The following HMG20A variants were observed in gnomAD, a reference collection of about 807,000 sequenced individuals.
HMG20A encodes the protein high mobility group protein 20A.
In HMG20A, 17 loss-of-function variants were observed where a neutral mutation model predicts 43.9. The observed-to-expected ratio is 0.39, with a 90% CI of 0.27 to 0.58. The LOEUF (loss-of-function observed/expected upper bound fraction) is 0.58. HMG20A is among the 20% of genes least tolerant of loss of function. HMG20A has a pLI of 0.59. For missense variants in HMG20A, 341 were observed against 438.2 expected (o/e 0.78, Z 1.98); for synonymous variants, 132 against 147.5 (o/e 0.89, Z 0.76).
At chr15:77,421,691 AC>A (rs1381279397) in intron 1 of HMG20A, among the ~76,000 whole-genome samples, 6 of 152,240 alleles carry the variant, frequency 3.9e-5, no homozygotes, top group Non-Finnish European at 7.3e-5. Flanking sequence ...AAAGTATCAC[AC>A]TGAAGTACTC....
At chr15:77,457,429 G>T (rs1033109376) in intron 1 of HMG20A, among the ~76,000 whole-genome samples, 2 of 152,176 alleles carry the variant, frequency 1.3e-5, no homozygotes, top group Non-Finnish European at 2.9e-5. Flanking sequence ...GCAGTTCTGT[G>T]TAAGTGGCTG....
chr15:77,514,521 A>T, the HMG20A span, among the ~76,000 whole-genome samples: 2 of 152,246 alleles, frequency 1.3e-5, no homozygotes. Flanking sequence ...ACTCTATAAA[A>T]GTTACACCTC....
the HMG20A span, among the ~76,000 whole-genome samples, chr15:77,498,633 G>A: frequency 6.6e-6 from 1 of 152,118 alleles, no homozygotes; most frequent in Non-Finnish European, 1.5e-5. Context: ...GTTAGCACTG[G>A]TGCAGCCTGA....
chr15:77,443,167 G>A (rs540203654), intron 1 of HMG20A, among the ~76,000 whole-genome samples: 7 of 150,124 alleles, frequency 4.7e-5, no homozygotes, highest in African/African-American at 1.7e-4. Context: ...AGAGTAGCTG[G>A]GATTATAGGC....
chr15:77,455,933 G>C (rs1228926657), intron 1 of HMG20A, among the ~76,000 whole-genome samples: 2 of 152,044 alleles, frequency 1.3e-5, no homozygotes, highest in Non-Finnish European at 2.9e-5. Context: ...GAGGCCTTTG[G>C]GTTTCACTGC....
chr15:77,513,540 G>A, the HMG20A span, among the ~76,000 whole-genome samples: 99 of 152,222 alleles, frequency 6.5e-4, 3 homozygotes, highest in South Asian at 0.017. Context: ...TAGTTCTGGC[G>A]GCTGGAAGTC....
chr15:77,469,920 G>A (rs534231421), intron 4 of HMG20A, among the ~76,000 whole-genome samples: 6 of 152,154 alleles, frequency 3.9e-5, no homozygotes, highest in South Asian at 2.1e-4. Flanking sequence ...CACCCACCTC[G>A]GTCTCCCAAA....
Position 77,479,172 on chromosome 15 carries a change from A to C in HMG20A, c.908-7A>C. On this transcript the variant is annotated splice_region_variant and splice_polypyrimidine_tract_variant and intron_variant, in intron 8 of 9. Coordinates refer to ENST00000336216, the MANE Select transcript of HMG20A (RefSeq NM_001304504.2). ...GATTTTCTTACTTTCTTCTTATCTC[A>C]CTTCAGGAAGTGGAGAGACACCTAC... 6.2e-7 allele frequency: 1 copy of C among 1,612,840 alleles called. No homozygotes were observed. Among genetic ancestry groups the C allele is most frequent in the Non-Finnish European group, 8.5e-7 (1 of 1,178,908 alleles).
rs2072676617 is a variant in HMG20A at position 77,458,454 on chromosome 15, A to G, written c.47A>G (p.Asp16Gly). 1 of 1,613,500 alleles carries G rather than the reference A, an allele frequency of 6.2e-7. No individual in the cohort carries two copies. Among genetic ancestry groups the G allele is most frequent in the Non-Finnish European group, 8.5e-7 (1 of 1,179,556 alleles). Residue 16 changes from aspartate to glycine, a missense_variant, in exon 2 of 10, where the codon GAT becomes GGT. This residue lies in a region of HMG20A where 220 missense variants were observed against 263.6 expected (regional missense o/e 0.83). Coordinates refer to ENST00000336216, the MANE Select transcript of HMG20A (RefSeq NM_001304504.2). ...TCCACCCTACCGCCCCTTTTTGCAGATGAAGACGGTTCCAAGGAGAGTAAT... is the reference window on the plus strand; with the variant it reads ...TCCACCCTACCGCCCCTTTTTGCAGGTGAAGACGGTTCCAAGGAGAGTAAT... ...TSSTLPPLFA[D>G]EDGSKESNDL...
At chr15:77,498,699 A>C in the HMG20A span, among the ~76,000 whole-genome samples, 8 of 152,194 alleles carry the variant, frequency 5.3e-5, no homozygotes, top group African/African-American at 1.7e-4. Flanking sequence ...TGAAGATTTT[A>C]ATCTGCCCCA....
the HMG20A span, among the ~76,000 whole-genome samples, chr15:77,507,921 C>T: frequency 8.0e-6 from 1 of 124,840 alleles, no homozygotes; most frequent in Non-Finnish European, 1.6e-5. Flanking sequence ...AAGAGAGGGG[C>T]AGGTTGGGGA....
the HMG20A span, among the ~76,000 whole-genome samples, chr15:77,508,907 A>G: frequency 6.6e-6 from 1 of 152,240 alleles, no homozygotes; most frequent in African/African-American, 2.4e-5. Context: ...GGGCCCTGAA[A>G]TAAAGGTTTT....
intron 6 of HMG20A, among the ~76,000 whole-genome samples, chr15:77,476,184 T>A (rs562433660): frequency 1.3e-5 from 2 of 152,052 alleles, no homozygotes; most frequent in African/African-American, 4.8e-5. Context: ...GTTCAAAGAT[T>A]TAAAAAACTA....
At chr15:77,428,491 T>C (rs772616528) in intron 1 of HMG20A, among the ~76,000 whole-genome samples, 3 of 151,964 alleles carry the variant, frequency 2.0e-5, no homozygotes, top group Non-Finnish European at 4.4e-5. Context: ...ATTCAAAGCA[T>C]ATCAGCAAAA....
the HMG20A span, among the ~76,000 whole-genome samples, chr15:77,506,688 C>T: frequency 4.6e-5 from 7 of 152,228 alleles, no homozygotes; most frequent in Admixed American, 1.3e-4. Flanking sequence ...CTGCGCCCAG[C>T]CCACGTTCCG....
chr15:77,435,906 C>T (rs2073542394), intron 1 of HMG20A, among the ~76,000 whole-genome samples: 1 of 151,710 alleles, frequency 6.6e-6, no homozygotes, highest in Admixed American at 6.6e-5. Context: ...AGTTCCTCCT[C>T]TACTCATCTT....
the HMG20A span, among the ~76,000 whole-genome samples, chr15:77,498,329 G>A: frequency 2.6e-5 from 4 of 152,168 alleles, no homozygotes; most frequent in Non-Finnish European, 5.9e-5. Context: ...GCCAGCTCTT[G>A]CTCAGCTAGT....
At chr15:77,512,472 A>G in the HMG20A span, among the ~76,000 whole-genome samples, 34,086 of 152,160 alleles carry the variant, frequency 0.22, 4,327 homozygotes, top group Middle Eastern at 0.29. Flanking sequence ...ACAACAGCCA[A>G]CTTGAAGAGG....
rs1308854128 is a variant in HMG20A at position 77,478,449 on chromosome 15, G to A, written c.846G>A (p.Gln282=). Residue 282 remains glutamine, a synonymous_variant, in exon 8 of 10, where the codon CAG becomes CAA. Coordinates refer to ENST00000336216, the MANE Select transcript of HMG20A (RefSeq NM_001304504.2). ...IQERSRNTVL[Q]QHLETLRQVL... ...AGCGGAGCCGCAACACAGTCTTACA[G>A]CAGCACCTGGAGACCCTGCGGCAGG... The A allele has an allele frequency of 6.2e-7, 1 of 1,612,288 alleles. No individual in the cohort carries two copies. The highest frequency in any genetic ancestry group is 1.7e-5 in the Admixed American group (1 of 60,010).
Sources: gnomAD v4.1 joint callset for allele counts (sites outside exome capture counted in the v4.1 genomes callset) on GRCh38, gnomAD v4.1.1 for gene constraint, gnomAD v4.1.1 regional missense constraint, MANE v1.5 for transcripts, NCBI Gene and HGNC (gene_info 2026-07-23, HGNC 2026-07-21) for gene names.